The following HAUS6 variants were observed in gnomAD, a reference collection of about 807,000 sequenced individuals.
The protein encoded by HAUS6 is HAUS augmin like complex subunit 6.
A neutral mutation model predicts 106.8 loss-of-function variants in HAUS6; 80 were observed. That is an observed-to-expected ratio of 0.75 (90% CI 0.63 to 0.90). The LOEUF is 0.90. Among genes scored for constraint, HAUS6 ranks in the 40% least tolerant of loss-of-function variants. The pLI is 0.00. For synonymous variants in HAUS6, 356 were observed against 379.1 expected, an observed-to-expected ratio of 0.94 and a Z score of 0.71; for missense variants, 1,155 against 1,118.1, an observed-to-expected ratio of 1.03 and a Z score of -0.47.
In HAUS6 at chr9:19,058,454, A is replaced by G. The variant is rs1564005845; in HGVS notation, c.2313T>C (p.Asn771=). The stretch of plus-strand genomic sequence containing the variant: ...GAGTTTCGTGTAATATGCCAAAATC[A>G]TTATCTTTAAAACTCTTAGAACTAA... ...SGISSKSFKD[N]DFGILHETLP... Residue 771 remains asparagine (N), a synonymous_variant, in exon 16 of 17, where the codon AAT becomes AAC. Transcript: ENST00000380502. 1.3e-6 allele frequency: 2 copies of G among 1,598,124 alleles called. No homozygotes were observed. The highest frequency in any genetic ancestry group is 1.1e-5 in the South Asian group (1 of 90,412).
chr9:19,068,150 C>G (rs977767468), intron 12 of HAUS6, among the ~76,000 whole-genome samples: 1 of 152,016 alleles, frequency 6.6e-6, no homozygotes, highest in Non-Finnish European at 1.5e-5. Context: ...GAAAACATAA[C>G]TGAGTTTGGG....
chr9:19,079,372 C>T (rs1317921482), intron 9 of HAUS6, among the ~76,000 whole-genome samples: 6 of 151,220 alleles, frequency 4.0e-5, no homozygotes, highest in African/African-American at 1.2e-4. Flanking sequence ...GCTGGGATTA[C>T]AGGCGCACGC....
intron 8 of HAUS6, 48 bp from the exon 9 acceptor site, chr9:19,080,720 A>G: frequency 9.9e-7 from 1 of 1,005,496 alleles, no homozygotes. Context: ...AGGTTGTTAC[A>G]ACAAACTATT....
chr9:19,102,667 G>A lies in HAUS6; in HGVS notation c.-16C>T, dbSNP rs549391656. 1.9e-6 allele frequency: 3 copies of A among 1,607,400 alleles called. No individual in the cohort carries two copies. The highest frequency in any genetic ancestry group is 2.2e-5 in the East Asian group (1 of 44,496). ...CCGAGCTCATCCTCGCGGTAGGCAC[G>A]GTGGCTGCAAAGAAAGAAAGCGCAA... On this transcript the variant is annotated 5_prime_UTR_variant, in exon 1 of 17. Coordinates refer to ENST00000380502, the MANE Select transcript of HAUS6 (RefSeq NM_017645.5).
At chr9:19,057,803 G>A (rs746792405) in intron 16 of HAUS6, 158 bp downstream of exon 16, 3 of 546,672 alleles carry the variant, frequency 5.5e-6, no homozygotes, top group African/African-American at 1.9e-5. Context: ...GATTCTGAAA[G>A]GACCTGTCCA....
chr9:19,083,584 C>T (rs1223204536), intron 7 of HAUS6, among the ~76,000 whole-genome samples: 1 of 151,866 alleles, frequency 6.6e-6, no homozygotes. Flanking sequence ...AAGCAGATCA[C>T]GAGGTCAGGA....
intron 4 of HAUS6, among the ~76,000 whole-genome samples, chr9:19,092,791 G>A (rs1040455960): frequency 2.9e-4 from 43 of 150,044 alleles, no homozygotes; most frequent in African/African-American, 1.1e-3. Flanking sequence ...CAGTCATGGT[G>A]GCAGACACCT....
At chr9:19,076,494 T>TAA in intron 11 of HAUS6, 108 bp downstream of exon 11, 1 of 647,564 alleles carries the variant, frequency 1.5e-6, no homozygotes. Flanking sequence ...TTCACCACAA[T>TAA]AAAAAAAAAT....
Position 19,078,299 on chromosome 9 carries a change from A to G in HAUS6, c.1068T>C (p.Tyr356=). The change falls in exon 10 of 17, where the codon TAT becomes TAC. Residue 356 remains tyrosine (Y), a synonymous_variant. Transcript: ENST00000380502. ...ERLSDLKHMR[Y]RIKDDLTTIR... ...TAGTTGTGAGATCATCTTTTATTCTATACCTATAATAGCATAAAAAAACTT... is the reference window on the plus strand; with the variant it reads ...TAGTTGTGAGATCATCTTTTATTCTGTACCTATAATAGCATAAAAAAACTT... 1.4e-6 allele frequency: 2 copies of G among 1,448,706 alleles called. No homozygotes were observed. Among genetic ancestry groups the G allele is most frequent in the African/African-American group, 1.4e-5 (1 of 71,022 alleles). 89.7% of individuals were successfully genotyped at this position (1,448,706 alleles called of 1,614,324 possible).
intron 8 of HAUS6, among the ~76,000 whole-genome samples, chr9:19,081,481 C>G (rs1837149168): frequency 1.3e-5 from 2 of 151,840 alleles, no homozygotes; most frequent in Admixed American, 1.3e-4. Context: ...CACTCTGTCT[C>G]CCAGGCTGGG....
At chr9:19,066,750 T>C (rs1016528645) in intron 12 of HAUS6, among the ~76,000 whole-genome samples, 1 of 149,496 alleles carries the variant, frequency 6.7e-6, no homozygotes, top group Admixed American at 6.8e-5. Flanking sequence ...CCCTAGCATT[T>C]TGGGAGGTCG....
At chr9:19,074,670 A>C (rs1449909504) in intron 11 of HAUS6, among the ~76,000 whole-genome samples, 1 of 151,876 alleles carries the variant, frequency 6.6e-6, no homozygotes, top group Non-Finnish European at 1.5e-5. Context: ...CCCCAAATAC[A>C]CCTGACTCTC....
chr9:19,056,610 CT>C (rs1836477375), intron 16 of HAUS6: 1 of 434,236 alleles, frequency 2.3e-6, no homozygotes, highest in Non-Finnish European at 4.1e-6. Flanking sequence ...TTTTTTTTTT[CT>C]TTTTTCTGCG....
At chr9:19,098,969 G>A (rs7855423) in intron 1 of HAUS6, among the ~76,000 whole-genome samples, 52,718 of 146,582 alleles carry the variant, frequency 0.36, 10,357 homozygotes, top group African/African-American at 0.54. Flanking sequence ...TTGCGGTGAG[G>A]TCATGCCATT....
chr9:19,064,699 T>C (rs10811107), intron 12 of HAUS6, among the ~76,000 whole-genome samples: 1 of 151,996 alleles, frequency 6.6e-6, no homozygotes, highest in Non-Finnish European at 1.5e-5. Flanking sequence ...TTTTATATCA[T>C]AGTAAATGTA....
At chr9:19,063,711 A>C (rs1400382718) in intron 12 of HAUS6, 131 bp from the exon 13 acceptor site, 1 of 786,760 alleles carries the variant, frequency 1.3e-6, no homozygotes, top group South Asian at 1.3e-5. Context: ...CCCGGTCATC[A>C]AAAGGCAGTT....
At chr9:19,077,906 A>T (rs975399098) in intron 10 of HAUS6, among the ~76,000 whole-genome samples, 1 of 152,040 alleles carries the variant, frequency 6.6e-6, no homozygotes, top group Non-Finnish European at 1.5e-5. Context: ...AAAATTAAAG[A>T]AAAAATTAGC....
At chr9:19,061,275 T>A (rs112552651) in intron 14 of HAUS6, among the ~76,000 whole-genome samples, 1 of 152,120 alleles carries the variant, frequency 6.6e-6, no homozygotes, top group Non-Finnish European at 1.5e-5. Context: ...ACACTAAATA[T>A]CCCCTGTCAT....
chr9:19,076,521 G>A (rs1360321145), intron 11 of HAUS6, 81 bp downstream of exon 11: 3 of 732,948 alleles, frequency 4.1e-6, no homozygotes, highest in African/African-American at 1.8e-5. Flanking sequence ...AAAAGATAAG[G>A]AATTTAAAGA....
Sources: allele counts gnomAD v4.1 joint callset (sites outside exome capture counted in the v4.1 genomes callset), GRCh38; gene constraint gnomAD v4.1.1; transcripts MANE v1.5; gene names NCBI Gene and HGNC (gene_info 2026-07-23, HGNC 2026-07-21).